MMAA: variants seen among roughly 807,000 people sequenced by gnomAD.
MMAA encodes methylmalonic aciduria type A protein, mitochondrial.
In MMAA, 41 loss-of-function variants were observed where a neutral mutation model predicts 45.0. The ratio of observed to expected loss-of-function variants is 0.91; its 90% confidence interval spans 0.71 to 1.18. The LOEUF (loss-of-function observed/expected upper bound fraction) is 1.18. Among genes scored for constraint, MMAA ranks in the 50% most tolerant of loss-of-function variants. The pLI, the probability that MMAA is intolerant of heterozygous loss-of-function variation, is 0.00. For synonymous variants in MMAA, 154 were observed against 178.2 expected (o/e 0.86, Z 1.08); for missense variants, 460 against 495.7 (o/e 0.93, Z 0.68).
At chr4:145,647,826 C>A (rs1417718624) in intron 4 of MMAA, among the ~76,000 whole-genome samples, 1 of 151,972 alleles carries the variant, frequency 6.6e-6, no homozygotes, top group African/African-American at 2.4e-5. Context: ...AGGTTTAGAA[C>A]TTTAACATAG....
chr4:145,627,963 T>C (rs528040556), intron 1 of MMAA, among the ~76,000 whole-genome samples: 10 of 152,348 alleles, frequency 6.6e-5, no homozygotes, highest in Non-Finnish European at 1.2e-4. Flanking sequence ...ATAATTCTTT[T>C]TACTAAATTT....
intron 1 of MMAA, among the ~76,000 whole-genome samples, chr4:145,634,315 C>G (rs1018410960): frequency 1.3e-5 from 2 of 152,174 alleles, no homozygotes; most frequent in African/African-American, 2.4e-5. Flanking sequence ...TTTCCAAAGG[C>G]AGAGGAGCCT....
intron 1 of MMAA, among the ~76,000 whole-genome samples, chr4:145,627,676 G>A (rs1373991320): frequency 6.6e-6 from 1 of 152,152 alleles, no homozygotes; most frequent in Non-Finnish European, 1.5e-5. Flanking sequence ...TAACTGCCTG[G>A]AGAAGGTGGG....
At chr4:145,642,013 T>A (rs905627148) in intron 2 of MMAA, among the ~76,000 whole-genome samples, 1 of 152,160 alleles carries the variant, frequency 6.6e-6, no homozygotes, top group African/African-American at 2.4e-5. Flanking sequence ...TAATTACTGA[T>A]CATGATGAGA....
intron 1 of MMAA, chr4:145,624,510 A>G (rs1734156929): frequency 1.4e-5 from 15 of 1,038,420 alleles, no homozygotes; most frequent in Non-Finnish European, 1.9e-5. Flanking sequence ...GGGCCTGATA[A>G]GCCACTCTGA....
At chr4:145,619,969 T>C (rs2126604116) in intron 1 of MMAA, among the ~76,000 whole-genome samples, 1 of 152,342 alleles carries the variant, frequency 6.6e-6, no homozygotes, top group East Asian at 1.9e-4. Context: ...TCTTCATATG[T>C]ATTTCTCATT....
At chr4:145,633,526 A>C (rs1041447500) in intron 1 of MMAA, among the ~76,000 whole-genome samples, 1 of 152,178 alleles carries the variant, frequency 6.6e-6, no homozygotes, top group African/African-American at 2.4e-5. Flanking sequence ...GTTTCCTCAA[A>C]ACAGCTATTT....
intron 3 of MMAA, among the ~76,000 whole-genome samples, chr4:145,644,027 G>C (rs1727862960): frequency 6.6e-6 from 1 of 152,142 alleles, no homozygotes; most frequent in African/African-American, 2.4e-5. Flanking sequence ...TATTGTATCA[G>C]TGCATACACT....
At chr4:145,649,116 T>A (rs1728019831) in intron 4 of MMAA, among the ~76,000 whole-genome samples, 1 of 142,296 alleles carries the variant, frequency 7.0e-6, no homozygotes. Flanking sequence ...TAGCAAGCCT[T>A]GGTTCTATCA....
chr4:145,631,363 C>T (rs1727425879), intron 1 of MMAA, among the ~76,000 whole-genome samples: 1 of 152,150 alleles, frequency 6.6e-6, no homozygotes, highest in Admixed American at 6.5e-5. Flanking sequence ...TTGTTATATC[C>T]TCTTGCTGAA....
rs1418061134 is a variant in MMAA, at chr4:145,659,280, A to C, written c.*3846A>C. On this transcript the variant is annotated 3_prime_UTR_variant, in exon 7 of 7. Coordinates refer to ENST00000649156, the MANE Select transcript of MMAA (RefSeq NM_172250.3). The stretch of plus-strand genomic sequence containing the variant: ...CTTCTGTGGATTTGCTTTGTTTGTC[A>C]TTTGTGGTATGTTTGATAACAAAAA... The C allele has an allele frequency of 1.3e-5, 2 of 152,102 alleles. No homozygotes were observed. Among genetic ancestry groups the C allele is most frequent in the Non-Finnish European group, 2.9e-5 (2 of 68,008 alleles). 9.4% of individuals were successfully genotyped at this position (152,102 alleles called of 1,614,324 possible). A position where few individuals can be genotyped will look rare whatever the true frequency, so the allele number is the denominator to read the frequency against.
chr4:145,642,228 CAT>C (rs1256590692), intron 2 of MMAA, 133 bp from the exon 3 acceptor site: 4 of 1,002,816 alleles, frequency 4.0e-6, no homozygotes, highest in Non-Finnish European at 4.5e-6. Context: ...CATTTTAGGA[CAT>C]GTTGAAATAT....
Position 145,658,580 on chromosome 4 carries a change from C to G in MMAA, c.*3146C>G, listed in dbSNP as rs769964379. On this transcript the variant is annotated 3_prime_UTR_variant, in exon 7 of 7. Coordinates refer to ENST00000649156, the MANE Select transcript of MMAA (RefSeq NM_172250.3). ...AAGGCATTTTCTCTTCAGAATCACT[C>G]GATCATATGGCCATTTCCCTAAGCT... 6.6e-6 allele frequency: 1 copy of G among 151,772 alleles called. No homozygotes were observed. Among genetic ancestry groups the G allele is most frequent in the Non-Finnish European group, 1.5e-5 (1 of 68,004 alleles). The allele number at this position is 151,772 out of a possible 1,614,324, so 9.4% of individuals were successfully genotyped here.
chr4:145,644,195 A>G (rs1331160401), intron 3 of MMAA, among the ~76,000 whole-genome samples: 2 of 152,312 alleles, frequency 1.3e-5, no homozygotes, highest in East Asian at 3.9e-4. Flanking sequence ...AAGACATAGG[A>G]AAGTAATTTC....
chr4:145,642,010 T>C (rs1173381525), intron 2 of MMAA, among the ~76,000 whole-genome samples: 1 of 152,190 alleles, frequency 6.6e-6, no homozygotes, highest in Non-Finnish European at 1.5e-5. Context: ...GAATAATTAC[T>C]GATCATGATG....
chr4:145,625,869 A>G (rs1217046949), intron 1 of MMAA: 4 of 1,394,182 alleles, frequency 2.9e-6, no homozygotes, highest in African/African-American at 1.4e-5. Flanking sequence ...ATGACGGGTT[A>G]TGCAACTGTG....
chr4:145,625,404 T>G, intron 1 of MMAA: 3 of 703,048 alleles, frequency 4.3e-6, no homozygotes, highest in Non-Finnish European at 8.1e-6. Context: ...TAATGACCAC[T>G]GGCAGGTTTG....
intron 1 of MMAA, chr4:145,624,653 G>A (rs1362555473): frequency 7.6e-6 from 11 of 1,447,480 alleles, no homozygotes; most frequent in Non-Finnish European, 1.0e-5. Context: ...ACATATTCAG[G>A]GAATCTTTAT....
rs760732816 is a variant in MMAA, at chr4:145,646,055, C to T, written c.632C>T (p.Ser211Phe). ...GATATGAATGCATACATCAGGCCATCTCCTACTAGAGGAACTTTAGGAGGC... is the reference window on the plus strand; with the variant it reads ...GATATGAATGCATACATCAGGCCATTTCCTACTAGAGGAACTTTAGGAGGC... Reference protein sequence around the residue: ...SRDMNAYIRPSPTRGTLGGVT... With the variant: ...SRDMNAYIRPFPTRGTLGGVT... The change falls in exon 4 of 7, where the codon TCT becomes TTT. Residue 211 changes from serine to phenylalanine, a missense_variant. Transcript: ENST00000649156. 1 of 1,614,128 alleles carries T rather than the reference C, an allele frequency of 6.2e-7. No individual in the cohort carries two copies. Among genetic ancestry groups the T allele is most frequent in the Non-Finnish European group, 8.5e-7 (1 of 1,179,974 alleles).
Sources: gnomAD v4.1 joint callset for allele counts (sites outside exome capture counted in the v4.1 genomes callset) on GRCh38, gnomAD v4.1.1 for gene constraint, MANE v1.5 for transcripts, NCBI Gene and HGNC (gene_info 2026-07-23, HGNC 2026-07-21) for gene names.